The following RAP1A variants were observed in gnomAD, a reference collection of about 807,000 sequenced individuals.
RAP1A encodes the protein RAP1A, member of RAS oncogene family.
In RAP1A, 6 loss-of-function variants were observed where a neutral mutation model predicts 26.4. The ratio of observed to expected loss-of-function variants is 0.23; its 90% CI spans 0.12 to 0.45. The LOEUF (loss-of-function observed/expected upper bound fraction) is 0.45, where lower values mean the gene tolerates loss of function less well. Ranked by LOEUF, RAP1A falls within the 20% of genes least tolerant of loss-of-function variation. The pLI, the probability that RAP1A is intolerant of heterozygous loss-of-function variation, is 0.99. For missense variants in RAP1A, 121 were observed against 217.2 expected (o/e 0.56, Z 2.78); for synonymous variants, 73 against 79.4 (o/e 0.92, Z 0.43).
chr1:111,629,122 C>T (rs1254866220), intron 1 of RAP1A, among the ~76,000 whole-genome samples: 3 of 151,944 alleles, frequency 2.0e-5, no homozygotes, highest in Non-Finnish European at 2.9e-5. Flanking sequence ...AAAAACCAGT[C>T]GTGTGAGCAG....
intron 1 of RAP1A, among the ~76,000 whole-genome samples, chr1:111,642,248 AAAATT>A (rs917225398): frequency 6.6e-6 from 1 of 152,184 alleles, no homozygotes. Context: ...TCCATCTCAA[AAAATT>A]AAATTAAATT....
chr1:111,666,938 A>T (rs1660813930), intron 1 of RAP1A, among the ~76,000 whole-genome samples: 1 of 152,190 alleles, frequency 6.6e-6, no homozygotes, highest in African/African-American at 2.4e-5. Flanking sequence ...GTAAATAGGG[A>T]TATGGAGCAA....
At chr1:111,595,106 G>C (rs1430404415) in intron 1 of RAP1A, among the ~76,000 whole-genome samples, 1 of 152,138 alleles carries the variant, frequency 6.6e-6, no homozygotes, top group Non-Finnish European at 1.5e-5. Flanking sequence ...AACCAATACA[G>C]TTAATCAGCC....
chr1:111,613,684 G>A (rs902249090), intron 1 of RAP1A, among the ~76,000 whole-genome samples: 8 of 152,198 alleles, frequency 5.3e-5, no homozygotes, highest in African/African-American at 1.9e-4. Context: ...ACTGGTCCAT[G>A]CCCTGATTCA....
At chr1:111,667,010 C>G (rs1660815424) in intron 1 of RAP1A, among the ~76,000 whole-genome samples, 1 of 152,136 alleles carries the variant, frequency 6.6e-6, no homozygotes, top group Non-Finnish European at 1.5e-5. Flanking sequence ...AATCTTTACC[C>G]TATGAGCAAA....
At chr1:111,654,114 G>T (rs983724078) in intron 1 of RAP1A, among the ~76,000 whole-genome samples, 5 of 152,216 alleles carry the variant, frequency 3.3e-5, no homozygotes, top group Admixed American at 6.5e-5. Flanking sequence ...TCTCAGGCAA[G>T]AATTTTTTAT....
intron 1 of RAP1A, among the ~76,000 whole-genome samples, chr1:111,612,532 C>T (rs913854391): frequency 6.6e-6 from 1 of 152,198 alleles, no homozygotes; most frequent in Non-Finnish European, 1.5e-5. Context: ...GCACAATATG[C>T]ACCTGCCTGT....
intron 4 of RAP1A, among the ~76,000 whole-genome samples, chr1:111,700,437 T>A (rs1661984738): frequency 6.6e-6 from 1 of 152,084 alleles, no homozygotes; most frequent in Admixed American, 6.6e-5. Flanking sequence ...CACACACTTT[T>A]AAACAACCAG....
At position 111,709,221 on chromosome 1, in the gene RAP1A, T is replaced by C. The variant is rs770549050; in HGVS notation, c.541T>C (p.Cys181Arg). The C allele has an allele frequency of 6.2e-7, 1 of 1,613,476 alleles. No individual in the cohort carries two copies. The highest frequency in any genetic ancestry group is 8.5e-7 in the Non-Finnish European group (1 of 1,179,792). Reference sequence around the variant, plus strand: ...AAAGAAGAAGCCTAAAAAGAAATCATGTCTGCTGCTCTAGGCCCATAGTCA... The same window carrying C: ...AAAGAAGAAGCCTAAAAAGAAATCACGTCTGCTGCTCTAGGCCCATAGTCA... ...VEKKKPKKKS[C>R]LLL The change falls in exon 7 of 8, where the codon TGT becomes CGT. Residue 181 changes from cysteine to arginine, a missense_variant. Cys to Arg is a radical substitution (Grantham distance 180). Transcript: ENST00000369709.
chr1:111,685,995 A>G (rs1661462368), intron 1 of RAP1A, among the ~76,000 whole-genome samples: 2 of 152,130 alleles, frequency 1.3e-5, no homozygotes, highest in South Asian at 4.1e-4. Flanking sequence ...GAAGTTGGAA[A>G]CCATCATTCT....
intron 1 of RAP1A, among the ~76,000 whole-genome samples, chr1:111,656,968 C>T (rs1409906247): frequency 6.6e-6 from 1 of 152,148 alleles, no homozygotes; most frequent in Non-Finnish European, 1.5e-5. Flanking sequence ...TTTTGTGTAA[C>T]TGAAACTTGA....
chr1:111,572,911 T>C (rs1210389322), intron 1 of RAP1A, among the ~76,000 whole-genome samples: 1 of 152,158 alleles, frequency 6.6e-6, no homozygotes, highest in Non-Finnish European at 1.5e-5. Context: ...CCCTCTACTC[T>C]TAGGTAGGCT....
intron 2 of RAP1A, among the ~76,000 whole-genome samples, chr1:111,691,712 A>G (rs973345897): frequency 6.6e-6 from 1 of 152,182 alleles, no homozygotes; most frequent in Non-Finnish European, 1.5e-5. Context: ...TTTACATTGT[A>G]TTGGGGGAAA....
At chr1:111,585,940 C>A (rs1000453666) in intron 1 of RAP1A, among the ~76,000 whole-genome samples, 1 of 152,212 alleles carries the variant, frequency 6.6e-6, no homozygotes, top group African/African-American at 2.4e-5. Context: ...AAATAAAGGA[C>A]AATTCCTGCC....
intron 1 of RAP1A, among the ~76,000 whole-genome samples, chr1:111,584,601 A>G (rs1658324833): frequency 6.6e-6 from 1 of 152,188 alleles, no homozygotes; most frequent in Non-Finnish European, 1.5e-5. Flanking sequence ...ATTAGGCTCT[A>G]ACATATGCAT....
intron 1 of RAP1A, among the ~76,000 whole-genome samples, chr1:111,577,416 A>G: frequency 6.6e-6 from 1 of 150,984 alleles, no homozygotes; most frequent in South Asian, 2.1e-4. Context: ...AAAAAAAAAA[A>G]AAAAAAAAAA....
intron 1 of RAP1A, chr1:111,648,206 T>TGTG (rs773470455): frequency 5.7e-4 from 81 of 142,462 alleles, no homozygotes; most frequent in South Asian, 1.9e-3. Flanking sequence ...TGTGTGTGTA[T>TGTG]TTTTTTTTTT....
intron 1 of RAP1A, among the ~76,000 whole-genome samples, chr1:111,673,834 T>G (rs1307751301): frequency 3.3e-5 from 5 of 152,216 alleles, no homozygotes; most frequent in Admixed American, 1.3e-4. Flanking sequence ...GTGTGTATGC[T>G]TTCTTGTGTG....
rs377597664 is a variant in RAP1A at position 111,703,009 on chromosome 1, C to T, written c.184-327C>T. Among the ~76,000 whole-genome samples, 6 of 152,110 alleles carry T rather than the reference C, an allele frequency of 3.9e-5. No homozygotes were observed. The South Asian group carries it at 1.0e-3, about 26-fold the overall frequency. ...TCATAGTTTAGTATTGGGCTTATAC[C>T]TCAGATTGTTAGCACTTGGGCAGTA... On this transcript the variant is annotated intron_variant, in intron 4 of 7. Coordinates refer to ENST00000369709, the MANE Select transcript of RAP1A (RefSeq NM_002884.4).
Sources: allele counts gnomAD v4.1 joint callset (sites outside exome capture counted in the v4.1 genomes callset), GRCh38; gene constraint gnomAD v4.1.1; transcripts MANE v1.5; gene names NCBI Gene and HGNC (gene_info 2026-07-23, HGNC 2026-07-21).